RFX7: variants seen among roughly 807,000 people sequenced by gnomAD.
RFX7 encodes DNA-binding protein RFX7.
Under a neutral mutation model 111.8 loss-of-function variants are expected in RFX7, and 26 were observed. The observed-to-expected ratio is 0.23, with a 90% confidence interval of 0.17 to 0.32. The LOEUF is 0.32. Among genes scored for constraint, RFX7 ranks in the 10% least tolerant of loss-of-function variants. The pLI, the probability that RFX7 is intolerant of heterozygous loss-of-function variation, is 1.00. For synonymous variants in RFX7, 624 were observed against 624.4 expected (o/e 1.00, Z 0.01); for missense variants, 1,573 against 1,772.9 (o/e 0.89, Z 2.02).
chr15:56,212,451 C>T (rs566068778), intron 2 of RFX7, among the ~76,000 whole-genome samples: 1 of 152,128 alleles, frequency 6.6e-6, no homozygotes, highest in African/African-American at 2.4e-5. Context: ...ATATATCTGA[C>T]CAAACCCATA....
At chr15:56,110,062 C>T (rs1235630631) in intron 5 of RFX7, among the ~76,000 whole-genome samples, 2 of 123,902 alleles carry the variant, frequency 1.6e-5, no homozygotes, top group African/African-American at 3.3e-5. Flanking sequence ...CCCCTCTGCC[C>T]AGCCAGCCGC....
intron 5 of RFX7, among the ~76,000 whole-genome samples, chr15:56,118,511 A>G (rs1400351511): frequency 2.0e-5 from 3 of 152,224 alleles, no homozygotes; most frequent in Admixed American, 6.5e-5. Context: ...ATGTGATTGC[A>G]AATGATACGA....
At chr15:56,116,144 T>C (rs902836437) in intron 5 of RFX7, among the ~76,000 whole-genome samples, 4 of 152,168 alleles carry the variant, frequency 2.6e-5, no homozygotes, top group African/African-American at 9.7e-5. Flanking sequence ...TGGGAACATT[T>C]CTGAACTCAT....
At chr15:56,114,601 A>G (rs2041983907) in intron 5 of RFX7, among the ~76,000 whole-genome samples, 1 of 152,152 alleles carries the variant, frequency 6.6e-6, no homozygotes, top group Non-Finnish European at 1.5e-5. Context: ...TCACCTTTGA[A>G]ACTCATTGAT....
intron 5 of RFX7, among the ~76,000 whole-genome samples, chr15:56,107,261 C>T (rs1240165905): frequency 1.6e-5 from 2 of 126,346 alleles, no homozygotes; most frequent in African/African-American, 3.1e-5. Flanking sequence ...CGCGCCACTG[C>T]ACTCCAGCCT....
Position 56,093,505 on chromosome 15 carries a change from G to C in RFX7, c.4223C>G (p.Pro1408Arg), listed in dbSNP as rs775421704. 6.2e-7 allele frequency: 1 copy of C among 1,613,678 alleles called. No homozygotes were observed. Among genetic ancestry groups the C allele is most frequent in the African/African-American group, 1.3e-5 (1 of 74,898 alleles). ...ATCATCTTGTCCCTGCTGACGACCT[G>C]GATCAAACAGTAGATTTGGGTCTAA... ...NTLDPNLLFD[P>R]GRQQGQDDEA... Residue 1408 changes from proline to arginine, a missense_variant, in exon 10 of 10, where the codon CCA becomes CGA. By Grantham distance (103) the Pro-to-Arg change is moderately radical (BLOSUM62 -2). This residue lies in a region of RFX7 where 411 missense variants were observed against 478.1 expected (regional missense o/e 0.86). Coordinates refer to ENST00000559447, the MANE Select transcript of RFX7 (RefSeq NM_022841.7).
At chr15:56,112,667 A>C (rs2041955764) in intron 5 of RFX7, among the ~76,000 whole-genome samples, 1 of 152,206 alleles carries the variant, frequency 6.6e-6, no homozygotes, top group Non-Finnish European at 1.5e-5. Flanking sequence ...GATCTAGTTA[A>C]ACTAAAGAGC....
chr15:56,195,179 C>T (rs555293049), intron 2 of RFX7, among the ~76,000 whole-genome samples: 1 of 152,194 alleles, frequency 6.6e-6, no homozygotes, highest in African/African-American at 2.4e-5. Flanking sequence ...TATTGTATGA[C>T]TCCCTGTATA....
intron 5 of RFX7, among the ~76,000 whole-genome samples, chr15:56,113,670 T>TA (rs11449454): frequency 0.6 from 88,409 of 146,454 alleles, 26,645 homozygotes; most frequent in East Asian, 0.85. Context: ...AAAATAAAAT[T>TA]AAAAAAAAAA....
intron 3 of RFX7, among the ~76,000 whole-genome samples, chr15:56,152,743 A>C (rs1457442824): frequency 2.2e-5 from 3 of 138,904 alleles, no homozygotes; most frequent in Admixed American, 6.9e-5. Flanking sequence ...AAAACCCTTC[A>C]AAAAAAAAAA....
At chr15:56,097,732 G>C (rs1337932262) in intron 9 of RFX7, among the ~76,000 whole-genome samples, 2 of 75,030 alleles carry the variant, frequency 2.7e-5, no homozygotes, top group African/African-American at 1.1e-4. Context: ...GGGAGACAGA[G>C]CAAGACTCTG....
intron 3 of RFX7, among the ~76,000 whole-genome samples, chr15:56,154,501 G>A (rs1305358542): frequency 1.3e-5 from 2 of 152,128 alleles, no homozygotes; most frequent in Non-Finnish European, 2.9e-5. Flanking sequence ...TCTGATCTTT[G>A]ACAAACCTGA....
chr15:56,137,471 T>C (rs2042321040), intron 5 of RFX7, among the ~76,000 whole-genome samples: 1 of 152,188 alleles, frequency 6.6e-6, no homozygotes. Context: ...ATCCCCTTTA[T>C]CATTTTTTAT....
In RFX7 at chr15:56,194,986, G is replaced by A. The variant is rs547666386; in HGVS notation, c.162-15683C>T. 3.3e-5 allele frequency among the ~76,000 whole-genome samples: 5 copies of A among 152,206 alleles called. No homozygotes were observed. The East Asian group carries it at 9.6e-4, about 29-fold the overall frequency. On this transcript the variant is annotated intron_variant, in intron 2 of 9. Transcript: ENST00000559447. ...GTTCATAGCAGCACTGTTCACAAGA[G>A]TCAAATGGAGGAAACAACCCAAATG... is the stretch of plus-strand genomic sequence containing the variant.
chr15:56,125,599 CTGTGTGTGTGAGTGTGTGTG>C (rs1390460022), intron 5 of RFX7, among the ~76,000 whole-genome samples: 2 of 116,790 alleles, frequency 1.7e-5, no homozygotes, highest in Non-Finnish European at 3.6e-5. Flanking sequence ...AGGGTTTCTT[CTGTGTGTGTGAGTGTGTGTG>C]TGTGTGTGTG....
chr15:56,109,720 C>T (rs1400523608), intron 5 of RFX7, among the ~76,000 whole-genome samples: 303 of 133,260 alleles, frequency 2.3e-3, no homozygotes, highest in South Asian at 3.9e-3. Context: ...ATGTGAGGAG[C>T]GTCTCTGCCC....
intron 2 of RFX7, among the ~76,000 whole-genome samples, chr15:56,199,094 T>C (rs961706338): frequency 1.3e-5 from 2 of 152,158 alleles, no homozygotes; most frequent in African/African-American, 2.4e-5. Context: ...GCTAAGAGAC[T>C]GCAGTCTGAC....
intron 2 of RFX7, among the ~76,000 whole-genome samples, chr15:56,223,776 A>T (rs1210293718): frequency 6.6e-6 from 1 of 152,182 alleles, no homozygotes; most frequent in African/African-American, 2.4e-5. Flanking sequence ...ATGCTACCTC[A>T]GTTTACTTTA....
At chr15:56,132,118 A>G (rs967721240) in intron 5 of RFX7, among the ~76,000 whole-genome samples, 1 of 152,104 alleles carries the variant, frequency 6.6e-6, no homozygotes, top group Admixed American at 6.5e-5. Flanking sequence ...CATGTAAATT[A>G]AGAAACATAT....
Sources: gnomAD v4.1 joint callset for allele counts (sites outside exome capture counted in the v4.1 genomes callset) on GRCh38, gnomAD v4.1.1 for gene constraint, gnomAD v4.1.1 regional missense constraint, MANE v1.5 for transcripts, NCBI Gene and HGNC (gene_info 2026-07-23, HGNC 2026-07-21) for gene names.